The following CNTN1 variants were observed in gnomAD, a reference collection of about 807,000 sequenced individuals.
CNTN1 encodes the protein contactin 1.
CNTN1 carries 38 observed loss-of-function variants against 126.4 expected under a neutral mutation model. The ratio of observed to expected loss-of-function variants is 0.30; its 90% CI spans 0.23 to 0.39. The LOEUF (loss-of-function observed/expected upper bound fraction) is 0.39, where lower values mean the gene tolerates loss of function less well. CNTN1 is among the 10% of genes least tolerant of loss of function. CNTN1 has a pLI of 1.00. For missense variants in CNTN1, 1,009 were observed against 1,248.4 expected, an observed-to-expected ratio of 0.81 and a Z score of 2.89; for synonymous variants, 413 against 422.6, an observed-to-expected ratio of 0.98 and a Z score of 0.28.
intron 1 of CNTN1, among the ~76,000 whole-genome samples, chr12:40,787,694 CTG>C (rs5797682): frequency 0.8 from 121,466 of 151,904 alleles, 48,865 homozygotes; most frequent in South Asian, 0.86. Context: ...AATAAAATAA[CTG>C]TGAATTTTTT....
At chr12:40,807,410 A>G in intron 1 of CNTN1, among the ~76,000 whole-genome samples, 1 of 152,072 alleles carries the variant, frequency 6.6e-6, no homozygotes, top group East Asian at 1.9e-4. Context: ...CAGAGCTAAC[A>G]TGGTAGACAT....
At chr12:41,013,037 C>T (rs779765115) in intron 17 of CNTN1, among the ~76,000 whole-genome samples, 4 of 151,998 alleles carry the variant, frequency 2.6e-5, no homozygotes, top group Non-Finnish European at 5.9e-5. Flanking sequence ...GAGGGGTCCC[C>T]GAGCAGAAAA....
intron 1 of CNTN1, among the ~76,000 whole-genome samples, chr12:40,842,677 G>A (rs899773581): frequency 6.6e-6 from 1 of 152,050 alleles, no homozygotes; most frequent in Non-Finnish European, 1.5e-5. Context: ...AGATTATGGA[G>A]GGCAACAATC....
chr12:40,821,369 T>G (rs540810973), intron 1 of CNTN1, among the ~76,000 whole-genome samples: 2 of 152,324 alleles, frequency 1.3e-5, no homozygotes, highest in Admixed American at 6.5e-5. Context: ...GAGCATTTAG[T>G]CACTTAAAAA....
intron 23 of CNTN1, among the ~76,000 whole-genome samples, chr12:41,029,882 A>G (rs1223425809): frequency 6.6e-6 from 1 of 152,020 alleles, no homozygotes; most frequent in East Asian, 1.9e-4. Context: ...ATTTGGAAAT[A>G]CATATATTTG....
At chr12:40,960,162 C>T (rs916681972) in intron 15 of CNTN1, among the ~76,000 whole-genome samples, 6 of 151,928 alleles carry the variant, frequency 3.9e-5, no homozygotes, top group African/African-American at 1.2e-4. Context: ...TGCTTTCTCT[C>T]ATATGTTTTA....
chr12:41,013,392 A>G (rs561693434), intron 17 of CNTN1, among the ~76,000 whole-genome samples: 7 of 152,224 alleles, frequency 4.6e-5, no homozygotes, highest in African/African-American at 1.7e-4. Context: ...TTTCTTAGAA[A>G]ATGATTTGGG....
chr12:40,944,145 A>T lies in CNTN1; in HGVS notation c.1658A>T (p.Asn553Ile), dbSNP rs1204662214. 1.9e-6 allele frequency: 3 copies of T among 1,613,324 alleles called. No individual in the cohort carries two copies. The highest frequency in any genetic ancestry group is 1.7e-5 in the Admixed American group (1 of 59,898). ...NGYVIDFNKE[N>I]IHYQRNFMLD... Reference sequence around the variant, plus strand: ...TATGTGATCGATTTTAACAAAGAGAATATTCACTACCAGAGGAATTTTATG... The same window carrying T: ...TATGTGATCGATTTTAACAAAGAGATTATTCACTACCAGAGGAATTTTATG... The change falls in exon 14 of 24, where the codon AAT (asparagine) becomes ATT (isoleucine). Residue 553 changes from asparagine to isoleucine, a missense_variant. By Grantham distance (149) the Asn-to-Ile change is moderately radical. Transcript: ENST00000551295.
intron 1 of CNTN1, among the ~76,000 whole-genome samples, chr12:40,888,277 TA>T (rs1345154193): frequency 6.6e-6 from 1 of 152,188 alleles, no homozygotes; most frequent in African/African-American, 2.4e-5. Context: ...ACGGACTTTT[TA>T]AAATTTCAAA....
chr12:41,053,428 A>AATATATATATATAT (rs66808071), intron 23 of CNTN1, among the ~76,000 whole-genome samples: 2,779 of 63,846 alleles, frequency 0.044, 181 homozygotes, highest in African/African-American at 0.053. Context: ...GTTTTCACTA[A>AATATATATATATAT]ATATATATAT....
chr12:41,032,430 A>G (rs1361912212), intron 23 of CNTN1, among the ~76,000 whole-genome samples: 6 of 152,016 alleles, frequency 3.9e-5, no homozygotes, highest in African/African-American at 1.2e-4. Context: ...TAACATCTAC[A>G]TTTCTTACTG....
At chr12:41,033,705 G>C (rs2120889296) in intron 23 of CNTN1, among the ~76,000 whole-genome samples, 1 of 152,126 alleles carries the variant, frequency 6.6e-6, no homozygotes, top group East Asian at 1.9e-4. Flanking sequence ...GATATAAGGA[G>C]ATGAAGTACC....
chr12:41,028,994 G>A, intron 22 of CNTN1, 69 bp from the exon 23 acceptor site: 1 of 1,433,032 alleles, frequency 7.0e-7, no homozygotes, highest in East Asian at 2.3e-5. Flanking sequence ...TTTTATTCTG[G>A]TTTTAGTGTT....
chr12:40,893,761 G>T (rs990161105), intron 1 of CNTN1, among the ~76,000 whole-genome samples: 1 of 151,964 alleles, frequency 6.6e-6, no homozygotes, highest in Non-Finnish European at 1.5e-5. Flanking sequence ...TGATTAGGAG[G>T]TTCTCTTGCT....
At chr12:40,760,741 C>T (rs1938827140) in intron 1 of CNTN1, among the ~76,000 whole-genome samples, 1 of 151,904 alleles carries the variant, frequency 6.6e-6, no homozygotes, top group African/African-American at 2.4e-5. Flanking sequence ...TAGTTGATAG[C>T]TCACACCCTG....
chr12:40,715,701 ATAATTTAGCAGTCAGAGGAGTTGATG>A (rs1175915966), intron 1 of CNTN1, among the ~76,000 whole-genome samples: 1 of 152,286 alleles, frequency 6.6e-6, no homozygotes, highest in East Asian at 1.9e-4. Flanking sequence ...CAAATCTCTT[ATAATTTAGCAGTCAGAGGAGTTGATG>A]TAATTTGCCA....
At chr12:40,750,205 A>G (rs981395345) in intron 1 of CNTN1, among the ~76,000 whole-genome samples, 6 of 152,054 alleles carry the variant, frequency 3.9e-5, no homozygotes, top group Non-Finnish European at 8.8e-5. Flanking sequence ...GCTGATTGTC[A>G]CTTCTAAGAT....
rs1172357938 is a variant in CNTN1 at position 40,933,777 on chromosome 12, T to C, written c.884T>C (p.Leu295Pro). ...TAEISTSGAV[L>P]KIFNIQLEDE... Reference sequence around the variant, plus strand: ...GAGATTAGCACCTCTGGGGCTGTTCTTAAGATCTTCAATATTCAGCTAGAA... The same window carrying C: ...GAGATTAGCACCTCTGGGGCTGTTCCTAAGATCTTCAATATTCAGCTAGAA... The change falls in exon 9 of 24, where the codon CTT becomes CCT. Residue 295 changes from leucine (L) to proline (P), a missense_variant. By Grantham distance (98) the Leu-to-Pro change is moderately conservative. Transcript: ENST00000551295. 2.5e-6 allele frequency: 4 copies of C among 1,612,878 alleles called. No homozygotes were observed.
At chr12:40,736,378 G>A (rs1031267587) in intron 1 of CNTN1, among the ~76,000 whole-genome samples, 1 of 151,748 alleles carries the variant, frequency 6.6e-6, no homozygotes, top group African/African-American at 2.4e-5. Flanking sequence ...AATAATATAA[G>A]TATAAGATAT....
Sources: gnomAD v4.1 joint callset for allele counts (sites outside exome capture counted in the v4.1 genomes callset) on GRCh38, gnomAD v4.1.1 for gene constraint, MANE v1.5 for transcripts, NCBI Gene and HGNC (gene_info 2026-07-23, HGNC 2026-07-21) for gene names.